BICC1: variants seen among roughly 807,000 people sequenced by gnomAD.
BICC1 encodes protein bicaudal C homolog 1.
In BICC1, 43 loss-of-function variants were observed where a neutral mutation model predicts 111.0. That is an observed-to-expected ratio of 0.39 (90% CI 0.30 to 0.50). BICC1 has a LOEUF of 0.50. BICC1 is among the 20% of genes least tolerant of loss of function. The probability of loss-of-function intolerance (pLI) is 0.88; values close to 1 mark genes in which losing one functional copy is unlikely to be tolerated. For missense variants in BICC1, 1,091 were observed against 1,203.2 expected (o/e 0.91, Z 1.38); for synonymous variants, 467 against 434.4 (o/e 1.07, Z -0.93).
At chr10:58,570,287 G>A (rs1003853057) in intron 1 of BICC1, among the ~76,000 whole-genome samples, 1 of 152,186 alleles carries the variant, frequency 6.6e-6, no homozygotes, top group Non-Finnish European at 1.5e-5. Context: ...CAGGGTTAGA[G>A]AAATTATCTT....
intron 1 of BICC1, among the ~76,000 whole-genome samples, chr10:58,515,538 T>C (rs1181278350): frequency 6.6e-6 from 1 of 152,230 alleles, no homozygotes; most frequent in Non-Finnish European, 1.5e-5. Context: ...TAATGTGTTA[T>C]GTTACTATGG....
chr10:58,578,775 A>G (rs1193370845), intron 1 of BICC1, among the ~76,000 whole-genome samples: 3 of 152,124 alleles, frequency 2.0e-5, no homozygotes, highest in African/African-American at 4.8e-5. Context: ...CATAACCCCT[A>G]TAAGAGCCAT....
intron 1 of BICC1, among the ~76,000 whole-genome samples, chr10:58,620,410 A>T (rs1200917242): frequency 6.6e-6 from 1 of 152,206 alleles, no homozygotes; most frequent in African/African-American, 2.4e-5. Flanking sequence ...CTGAAATTCA[A>T]GTAGATTATA....
intron 1 of BICC1, among the ~76,000 whole-genome samples, chr10:58,613,704 A>G (rs1442822977): frequency 2.6e-5 from 4 of 152,320 alleles, no homozygotes; most frequent in Non-Finnish European, 4.4e-5. Context: ...GAGAATTGCT[A>G]AATTAAATTT....
At position 58,796,436 on chromosome 10, in the gene BICC1, A is replaced by G. The variant is rs139220902; in HGVS notation, c.1276A>G (p.Thr426Ala). Residue 426 changes from threonine (T) to alanine (A), a missense_variant, in exon 10 of 21, where the codon ACC (threonine) becomes GCC (alanine). Thr to Ala is a moderately conservative substitution (Grantham distance 58). Transcript: ENST00000373886. The part of the protein sequence containing the change: ...GLESSGVTIA[T>A]SPSPASCPAG... ...TGAAAGCAGTGGGGTTACCATAGCA[A>G]CCAGTCCATCCCCAGCATCCTGCCC... 23 of 1,614,042 alleles carry G rather than the reference A, an allele frequency of 1.4e-5. No individual in the cohort carries two copies. Among genetic ancestry groups the G allele is most frequent in the Non-Finnish European group, 1.9e-5 (22 of 1,179,990 alleles).
At chr10:58,784,687 TA>T (rs1210942641) in intron 3 of BICC1, among the ~76,000 whole-genome samples, 1 of 60,538 alleles carries the variant, frequency 1.7e-5, no homozygotes, top group Non-Finnish European at 3.9e-5. Flanking sequence ...AAATCCAATT[TA>T]TAAAAAAAAA....
At chr10:58,662,831 CAG>C (rs1838886003) in intron 2 of BICC1, among the ~76,000 whole-genome samples, 1 of 152,174 alleles carries the variant, frequency 6.6e-6, no homozygotes, top group African/African-American at 2.4e-5. Context: ...TCTGAACATT[CAG>C]TTACATGTGG....
intron 3 of BICC1, chr10:58,715,919 A>C: frequency 7.8e-7 from 1 of 1,284,412 alleles, no homozygotes; most frequent in Non-Finnish European, 1.1e-6. Flanking sequence ...GATTCTGAAG[A>C]TGAGGATAAG....
chr10:58,579,097 TATA>T (rs1478094841), intron 1 of BICC1, among the ~76,000 whole-genome samples: 1 of 152,286 alleles, frequency 6.6e-6, no homozygotes, highest in East Asian at 1.9e-4. Context: ...CCCCTTCATA[TATA>T]ATACCACTGG....
At chr10:58,762,716 T>C (rs1348532999) in intron 3 of BICC1, among the ~76,000 whole-genome samples, 2 of 152,180 alleles carry the variant, frequency 1.3e-5, no homozygotes, top group Non-Finnish European at 2.9e-5. Flanking sequence ...CACACTCTTT[T>C]CAAAATTTTC....
chr10:58,793,332 T>C, intron 8 of BICC1, 152 bp from the exon 9 acceptor site: 1 of 747,298 alleles, frequency 1.3e-6, no homozygotes, highest in Non-Finnish European at 2.1e-6. Flanking sequence ...ACCTGTCCTC[T>C]AAGCTATGTG....
chr10:58,620,639 A>G (rs1738456923), intron 1 of BICC1, among the ~76,000 whole-genome samples: 1 of 152,194 alleles, frequency 6.6e-6, no homozygotes, highest in African/African-American at 2.4e-5. Context: ...AGACAAAGCA[A>G]AAGAGTGTTA....
At chr10:58,729,581 T>C (rs1228703836) in intron 3 of BICC1, among the ~76,000 whole-genome samples, 1 of 152,162 alleles carries the variant, frequency 6.6e-6, no homozygotes, top group Non-Finnish European at 1.5e-5. Flanking sequence ...GGGTAATTTA[T>C]AAAGAAAAGA....
At chr10:58,740,222 G>A (rs1014574337) in intron 3 of BICC1, among the ~76,000 whole-genome samples, 8 of 152,278 alleles carry the variant, frequency 5.3e-5, no homozygotes, top group African/African-American at 1.7e-4. Context: ...TGGAAATAAC[G>A]TGTGTTTTTA....
In BICC1 at chr10:58,744,559, GAAT is replaced by G. The variant is rs778500446; in HGVS notation, c.308-40438_308-40436del. ...CATTAATATTTTTTAATTTTAAAAA[GAAT>G]AATTTTTTCAAAAGTGACAATTATT... On this transcript the variant is annotated intron_variant, in intron 3 of 20. Coordinates refer to ENST00000373886, the MANE Select transcript of BICC1 (RefSeq NM_001080512.3). Among the ~76,000 whole-genome samples, 7 of 151,986 alleles carry G rather than the reference GAAT, an allele frequency of 4.6e-5. No individual in the cohort carries two copies. In the East Asian group the frequency reaches 5.8e-4, roughly 13 times the overall value.
Position 58,813,851 on chromosome 10 carries a change from C to T in BICC1, c.2398C>T (p.Arg800Trp), listed in dbSNP as rs369413678. The change falls in exon 18 of 21, where the codon CGG (arginine) becomes TGG (tryptophan). Residue 800 changes from arginine (R) to tryptophan (W), a missense_variant. By Grantham distance (101) the Arg-to-Trp change is moderately radical (BLOSUM62 -3). Around this residue, in one of 3 missense-constraint regions of BICC1, gnomAD observed 231 missense variants for 256.2 expected, o/e 0.90. Transcript: ENST00000373886. ...ACAGGGCTCATCCATGTCCCTTTCA[C>T]GGTCCAACAGTCGTGAGCACTTGGG... is the stretch of plus-strand genomic sequence containing the variant. ...TYEGSSMSLS[R>W]SNSREHLGGG... 6 of 1,613,756 alleles carry T rather than the reference C, an allele frequency of 3.7e-6. No homozygotes were observed. The highest frequency in any genetic ancestry group is 2.7e-5 in the African/African-American group (2 of 74,908).
chr10:58,678,827 ACAAT>A (rs1271268805), intron 2 of BICC1, among the ~76,000 whole-genome samples: 2 of 152,250 alleles, frequency 1.3e-5, no homozygotes, highest in Non-Finnish European at 2.9e-5. Flanking sequence ...GGAAATCATA[ACAAT>A]CAGTCTCTCA....
rs190468543 is a variant in BICC1, at chr10:58,602,211, G to C, written c.191-18644G>C. On this transcript the variant is annotated intron_variant, in intron 1 of 20. Coordinates refer to ENST00000373886, the MANE Select transcript of BICC1 (RefSeq NM_001080512.3). ...ATACTTATAGGACCACTATGCAACT[G>C]TAGCAGATTCATTTTAATTGAGATA... 2.1e-3 allele frequency among the ~76,000 whole-genome samples: 315 copies of C among 152,236 alleles called. 2 individuals are homozygous for C. The highest frequency in any genetic ancestry group is 7.1e-3 in the African/African-American group (297 of 41,566).
intron 4 of BICC1, among the ~76,000 whole-genome samples, chr10:58,786,504 T>C (rs1189864578): frequency 6.6e-6 from 1 of 152,206 alleles, no homozygotes; most frequent in Non-Finnish European, 1.5e-5. Flanking sequence ...TCTAATTTTG[T>C]ATCATCTTAG....
Sources: allele counts gnomAD v4.1 joint callset (sites outside exome capture counted in the v4.1 genomes callset), GRCh38; gene constraint gnomAD v4.1.1; regional missense constraint gnomAD v4.1.1; transcripts MANE v1.5; gene names NCBI Gene and HGNC (gene_info 2026-07-23, HGNC 2026-07-21).